DPP10: variants seen among roughly 807,000 people sequenced by gnomAD.
DPP10 encodes the protein inactive dipeptidyl peptidase 10.
A neutral mutation model predicts 120.9 loss-of-function variants in DPP10; 33 were observed. The ratio of observed to expected loss-of-function variants is 0.27; its 90% confidence interval spans 0.21 to 0.37. The LOEUF is 0.37. Ranked by LOEUF, DPP10 falls within the 10% of genes least tolerant of loss-of-function variation. DPP10 has a pLI of 1.00. For missense variants in DPP10, 816 were observed against 942.8 expected, an observed-to-expected ratio of 0.87 and a Z score of 1.76; for synonymous variants, 337 against 326.1, an observed-to-expected ratio of 1.03 and a Z score of -0.36.
chr2:115,310,845 G>A (rs546748648), intron 2 of DPP10, among the ~76,000 whole-genome samples: 171 of 152,266 alleles, frequency 1.1e-3, no homozygotes, highest in African/African-American at 3.9e-3. Flanking sequence ...CCAGATGGAG[G>A]TATTCATGTC....
intron 3 of DPP10, among the ~76,000 whole-genome samples, chr2:115,441,493 A>G (rs1373558985): frequency 3.9e-5 from 6 of 152,186 alleles, no homozygotes; most frequent in African/African-American, 1.2e-4. Context: ...TCTTCTGGGA[A>G]TCTTTCCTAC....
At chr2:114,726,973 G>C (rs543367057) in intron 1 of DPP10, among the ~76,000 whole-genome samples, 1 of 152,196 alleles carries the variant, frequency 6.6e-6, no homozygotes, top group South Asian at 2.1e-4. Context: ...ATTTCTCAGA[G>C]AGAGGAAGAT....
chr2:115,210,663 T>C (rs956920574), intron 1 of DPP10, among the ~76,000 whole-genome samples: 2 of 152,148 alleles, frequency 1.3e-5, no homozygotes, highest in African/African-American at 2.4e-5. Context: ...TATTTCTCCA[T>C]ATCCCCTCCA....
chr2:114,851,315 G>A (rs1486710380), intron 1 of DPP10, among the ~76,000 whole-genome samples: 1 of 152,080 alleles, frequency 6.6e-6, no homozygotes, highest in Admixed American at 6.6e-5. Flanking sequence ...GTGTGTTACT[G>A]AAGGCAACCC....
At chr2:115,222,611 G>T (rs1024754503) in intron 1 of DPP10, among the ~76,000 whole-genome samples, 13 of 152,016 alleles carry the variant, frequency 8.6e-5, no homozygotes, top group Admixed American at 2.0e-4. Flanking sequence ...TTTGCAAATT[G>T]CCCAGTCTGG....
intron 1 of DPP10, among the ~76,000 whole-genome samples, chr2:114,858,112 C>T (rs1689511477): frequency 6.6e-6 from 1 of 152,276 alleles, no homozygotes; most frequent in African/African-American, 2.4e-5. Context: ...GCCTCAGCCT[C>T]CCGAGTAGCT....
chr2:115,437,165 A>T (rs2071573460), intron 3 of DPP10, among the ~76,000 whole-genome samples: 1 of 151,990 alleles, frequency 6.6e-6, no homozygotes, highest in African/African-American at 2.4e-5. Context: ...AAGATGTTTG[A>T]ATTAATTCAA....
rs183670533 is a variant in DPP10 at position 115,537,153 on chromosome 2, A to G, written c.441+11181A>G. 6.6e-5 allele frequency among the ~76,000 whole-genome samples: 10 copies of G among 152,222 alleles called. No individual in the cohort carries two copies. The East Asian group carries it at 1.9e-3, about 29-fold the overall frequency. ...TTCTTCTTTAGCTTTGCATTCATTT[A>G]CAACATACAGGTAAATTTGAAACAT... On this transcript the variant is annotated intron_variant, in intron 5 of 25. Transcript: ENST00000410059.
intron 5 of DPP10, among the ~76,000 whole-genome samples, chr2:115,614,621 C>T (rs2084356249): frequency 6.6e-6 from 1 of 152,078 alleles, no homozygotes; most frequent in African/African-American, 2.4e-5. Flanking sequence ...AACGGGTTTT[C>T]GTTATGTTGG....
At chr2:115,466,693 C>T (rs1048819488) in intron 3 of DPP10, among the ~76,000 whole-genome samples, 12 of 152,092 alleles carry the variant, frequency 7.9e-5, no homozygotes, top group Admixed American at 6.6e-4. Flanking sequence ...TTTCTAGAGG[C>T]TTGATATACT....
chr2:114,775,636 A>G (rs1446648095), intron 1 of DPP10, among the ~76,000 whole-genome samples: 1 of 152,190 alleles, frequency 6.6e-6, no homozygotes, highest in Non-Finnish European at 1.5e-5. Context: ...TCTCTAAGCA[A>G]TGTTAGCATG....
intron 1 of DPP10, among the ~76,000 whole-genome samples, chr2:115,069,768 T>C (rs1707221638): frequency 1.3e-5 from 2 of 151,916 alleles, no homozygotes; most frequent in South Asian, 4.1e-4. Context: ...ACTTAACCTC[T>C]CTGAGAATCT....
chr2:115,591,048 G>A (rs984595362), intron 5 of DPP10, among the ~76,000 whole-genome samples: 8 of 152,106 alleles, frequency 5.3e-5, no homozygotes, highest in Non-Finnish European at 1.2e-4. Context: ...TGTAGATTCT[G>A]GATATTAGCC....
intron 1 of DPP10, among the ~76,000 whole-genome samples, chr2:115,210,524 G>A (rs1574022818): frequency 6.6e-6 from 1 of 152,098 alleles, no homozygotes; most frequent in Non-Finnish European, 1.5e-5. Flanking sequence ...AATCCTTTGG[G>A]TGTATACCTA....
intron 11 of DPP10, among the ~76,000 whole-genome samples, chr2:115,755,731 G>T (rs978167574): frequency 2.0e-5 from 3 of 151,916 alleles, no homozygotes; most frequent in Admixed American, 1.3e-4. Context: ...TATGTTACTA[G>T]CAATTCTACT....
intron 1 of DPP10, among the ~76,000 whole-genome samples, chr2:114,900,909 T>A (rs1289584122): frequency 1.3e-5 from 2 of 152,214 alleles, no homozygotes; most frequent in Non-Finnish European, 2.9e-5. Flanking sequence ...AAACTATGCA[T>A]GTATTTCAAA....
chr2:114,467,046 A>AAC (rs1239565483), intron 1 of DPP10, among the ~76,000 whole-genome samples: 1 of 151,894 alleles, frequency 6.6e-6, no homozygotes, highest in African/African-American at 2.4e-5. Context: ...CCAAAAAAAA[A>AAC]AAAAAAGGAA....
At chr2:115,097,924 A>G (rs2048481259) in intron 1 of DPP10, among the ~76,000 whole-genome samples, 1 of 152,188 alleles carries the variant, frequency 6.6e-6, no homozygotes, top group African/African-American at 2.4e-5. Context: ...ATGGGTATGT[A>G]GGAAGCTTAC....
intron 1 of DPP10, among the ~76,000 whole-genome samples, chr2:114,738,030 G>A (rs1677634074): frequency 6.6e-6 from 1 of 152,176 alleles, no homozygotes; most frequent in Non-Finnish European, 1.5e-5. Flanking sequence ...GAAGGTGAAG[G>A]GGAAGCAGGC....
Sources: gnomAD v4.1 joint callset for allele counts (sites outside exome capture counted in the v4.1 genomes callset) on GRCh38, gnomAD v4.1.1 for gene constraint, MANE v1.5 for transcripts, NCBI Gene and HGNC (gene_info 2026-07-23, HGNC 2026-07-21) for gene names.